The following ZNF676 variants were observed in gnomAD, a reference collection of about 807,000 sequenced individuals.
The protein encoded by ZNF676 is zinc finger protein 676.
A neutral mutation model predicts 6.0 loss-of-function variants in ZNF676; 4 were observed. The observed-to-expected ratio is 0.67, with a 90% CI of 0.33 to 1.53. The LOEUF is 1.53. Ranked by LOEUF, ZNF676 falls within the 40% of genes most tolerant of loss-of-function variation. ZNF676 has a pLI of 0.06. For synonymous variants in ZNF676, 198 were observed against 223.1 expected, an observed-to-expected ratio of 0.89 and a Z score of 1.00; for missense variants, 644 against 679.7, an observed-to-expected ratio of 0.95 and a Z score of 0.58.
At chr19:22,257,925 T>C in the ZNF676 span, among the ~76,000 whole-genome samples, 3 of 151,990 alleles carry the variant, frequency 2.0e-5, no homozygotes, top group African/African-American at 7.2e-5. Flanking sequence ...ATCACCCCAG[T>C]GGGGGAGCAC....
At chr19:22,236,040 AAG>A in the ZNF676 span, among the ~76,000 whole-genome samples, 2 of 151,364 alleles carry the variant, frequency 1.3e-5, no homozygotes, top group Non-Finnish European at 2.9e-5. Context: ...TGCCAAATGA[AAG>A]AGTTGAATGG....
At chr19:22,215,929 G>C (rs2024182842), upstream of ZNF676, among the ~76,000 whole-genome samples, 1 of 152,170 alleles carries the variant, frequency 6.6e-6, no homozygotes, top group South Asian at 2.1e-4. Context: ...AATGAAGAAA[G>C]AGAGCCAACG....
chr19:22,251,103 G>A, the ZNF676 span, among the ~76,000 whole-genome samples: 1 of 152,140 alleles, frequency 6.6e-6, no homozygotes, highest in Admixed American at 6.5e-5. Context: ...GTATCTGATG[G>A]TACAAACCCA....
At chr19:22,192,121 C>T (rs1027660281) in intron 2 of ZNF676, among the ~76,000 whole-genome samples, 2 of 149,886 alleles carry the variant, frequency 1.3e-5, no homozygotes, top group Non-Finnish European at 3.0e-5. Context: ...TAAATACACT[C>T]AGCAAATTAG....
intron 1 of ZNF676, among the ~76,000 whole-genome samples, chr19:22,208,569 CA>C (rs2024098407): frequency 6.6e-6 from 1 of 152,190 alleles, no homozygotes; most frequent in African/African-American, 2.4e-5. Context: ...GACACATGCA[CA>C]ATCACATTCG....
At chr19:22,215,513 T>TAG (rs1424086427) in intron 1 of ZNF676, 1 of 1,217,622 alleles carries the variant, frequency 8.2e-7, no homozygotes, top group Non-Finnish European at 1.2e-6. Flanking sequence ...GAGGTCGAGC[T>TAG]AGGCAAGGAG....
the ZNF676 span, among the ~76,000 whole-genome samples, chr19:22,246,216 C>T: frequency 6.6e-6 from 1 of 152,018 alleles, no homozygotes; most frequent in African/African-American, 2.4e-5. Flanking sequence ...TAGGCAGGGC[C>T]CATGCAGAAG....
intron 2 of ZNF676, among the ~76,000 whole-genome samples, chr19:22,184,530 C>T (rs2023805795): frequency 6.6e-6 from 1 of 152,086 alleles, no homozygotes. Context: ...ACCATTCACT[C>T]CCCTGGAAAG....
chr19:22,221,246 T>C, the ZNF676 span, among the ~76,000 whole-genome samples: 4 of 152,202 alleles, frequency 2.6e-5, no homozygotes, highest in African/African-American at 9.6e-5. Context: ...GCTTTTGCTG[T>C]ATCCCAGATG....
At chr19:22,205,318 C>A (rs1329156310) in intron 1 of ZNF676, among the ~76,000 whole-genome samples, 1 of 152,104 alleles carries the variant, frequency 6.6e-6, no homozygotes, top group Non-Finnish European at 1.5e-5. Flanking sequence ...TAATAGACAT[C>A]TACAGAACTC....
At chr19:22,238,889 G>T in the ZNF676 span, among the ~76,000 whole-genome samples, 717 of 152,272 alleles carry the variant, frequency 4.7e-3, 3 homozygotes, top group Non-Finnish European at 7.8e-3. Context: ...GGCCACGTTG[G>T]CAGTTGATTA....
chr19:22,235,094 AAG>A, the ZNF676 span, among the ~76,000 whole-genome samples: 34 of 140,118 alleles, frequency 2.4e-4, 2 homozygotes, highest in African/African-American at 9.0e-4. Context: ...GGAAGGCAGG[AAG>A]AAGGAAGTCA....
the ZNF676 span, among the ~76,000 whole-genome samples, chr19:22,221,803 G>A: frequency 6.6e-6 from 1 of 151,856 alleles, no homozygotes; most frequent in African/African-American, 2.4e-5. Context: ...CTATCTTGAA[G>A]AATGTTTTAT....
At chr19:22,216,615 C>CT (rs35772066), upstream of ZNF676, among the ~76,000 whole-genome samples, 69,309 of 149,824 alleles carry the variant, frequency 0.46, 16,760 homozygotes, top group African/African-American at 0.61. Flanking sequence ...TTTTAATAGC[C>CT]TTTTTTTTTA....
At chr19:22,257,332 C>T in the ZNF676 span, among the ~76,000 whole-genome samples, 1 of 152,122 alleles carries the variant, frequency 6.6e-6, no homozygotes, top group African/African-American at 2.4e-5. Context: ...AATAAGCCCC[C>T]TCTAGTCAGG....
chr19:22,248,088 T>TTTTTTTTTTTTTTTTTTTTTG, the ZNF676 span, among the ~76,000 whole-genome samples: 1 of 151,584 alleles, frequency 6.6e-6, no homozygotes, highest in African/African-American at 2.4e-5. Flanking sequence ...ATCATTTTTT[T>TTTTTTTTTTTTTTTTTTTTTG]ATGGCTGCAT....
chr19:22,181,303 C>A lies in ZNF676; in HGVS notation c.414G>T (p.Glu138Asp). The A allele has an allele frequency of 6.2e-7, 1 of 1,613,778 alleles. No homozygotes were observed. Among genetic ancestry groups the A allele is most frequent in the Non-Finnish European group, 8.5e-7 (1 of 1,179,804 alleles). The change falls in exon 3 of 3, where the codon GAG becomes GAT. Residue 138 changes from glutamate to aspartate, a missense_variant. Transcript: ENST00000397121. ...CATATTCTTTACATTTCAAACCTTT[C>A]TCTCCAGTATGCCTTATCTTATGTC... Reference protein sequence around the residue: ...SNRHKIRHTGEKGLKCKEYVR... With the variant: ...SNRHKIRHTGDKGLKCKEYVR...
chr19:22,193,512 T>G (rs1005908899), intron 1 of ZNF676, among the ~76,000 whole-genome samples: 5 of 152,032 alleles, frequency 3.3e-5, no homozygotes, highest in Non-Finnish European at 5.9e-5. Flanking sequence ...TCCTTCTTAT[T>G]TTGTCAGACA....
At chr19:22,253,404 GTA>G in the ZNF676 span, among the ~76,000 whole-genome samples, 850 of 96,922 alleles carry the variant, frequency 8.8e-3, 92 homozygotes, top group Admixed American at 0.056. Context: ...ATGATAATGT[GTA>G]TATATATATA....
Sources: gnomAD v4.1 joint callset for allele counts (sites outside exome capture counted in the v4.1 genomes callset) on GRCh38, gnomAD v4.1.1 for gene constraint, MANE v1.5 for transcripts, NCBI Gene and HGNC (gene_info 2026-07-23, HGNC 2026-07-21) for gene names.